The following DCN variants were observed in gnomAD, a reference collection of about 807,000 sequenced individuals.
DCN encodes bone proteoglycan II.
DCN carries 17 observed loss-of-function variants against 36.5 expected under a neutral mutation model. The ratio of observed to expected loss-of-function variants is 0.47; its 90% CI spans 0.32 to 0.70. The LOEUF (loss-of-function observed/expected upper bound fraction) is 0.70. Ranked by LOEUF, DCN falls within the 30% of genes least tolerant of loss-of-function variation. The pLI is 0.04. For missense variants in DCN, 389 were observed against 430.1 expected (o/e 0.90, Z 0.84); for synonymous variants, 163 against 161.4 (o/e 1.01, Z -0.07).
In DCN at chr12:91,178,445, T is replaced by A. The variant is rs1883431501; in HGVS notation, c.108A>T (p.Ile36=). 2.5e-6 allele frequency: 4 copies of A among 1,613,870 alleles called. No individual in the cohort carries two copies. Among genetic ancestry groups the A allele is most frequent in the African/African-American group, 1.3e-5 (1 of 74,972 alleles). ...CGCGGTCATCAGGAACTTCTGGGCC[T>A]ATCCCAGAAGCCTCATCTTCTAGCA... The part of the protein sequence containing the change: ...DFMLEDEASG[I]GPEVPDDRDF... The change falls in exon 2 of 8, where the codon ATA becomes ATT. Residue 36 remains isoleucine, a synonymous_variant. Coordinates refer to ENST00000052754, the MANE Select transcript of DCN (RefSeq NM_001920.5).
chr12:91,156,012 T>G (rs1222964830), intron 5 of DCN, among the ~76,000 whole-genome samples: 1 of 152,060 alleles, frequency 6.6e-6, no homozygotes. Context: ...GGCATCTAAG[T>G]TGAGAAAGGG....
intron 2 of DCN, among the ~76,000 whole-genome samples, chr12:91,165,669 T>A (rs371739706): frequency 2.3e-4 from 35 of 152,266 alleles, no homozygotes; most frequent in African/African-American, 8.4e-4. Context: ...AATTTGATAT[T>A]CTATTAACTC....
intron 5 of DCN, among the ~76,000 whole-genome samples, chr12:91,156,471 GAGAT>G (rs897110650): frequency 1.3e-5 from 2 of 152,114 alleles, no homozygotes; most frequent in African/African-American, 4.8e-5. Flanking sequence ...GACAGATAAA[GAGAT>G]AGAGGACAAA....
intron 1 of DCN, among the ~76,000 whole-genome samples, chr12:91,179,025 AT>A (rs1191275038): frequency 6.6e-6 from 1 of 152,110 alleles, no homozygotes; most frequent in Non-Finnish European, 1.5e-5. Context: ...TACCACAATT[AT>A]TTTGATCCAG....
At chr12:91,153,801 A>G (rs1348535486) in intron 5 of DCN, among the ~76,000 whole-genome samples, 4 of 152,072 alleles carry the variant, frequency 2.6e-5, no homozygotes, top group Non-Finnish European at 5.9e-5. Flanking sequence ...AGAGGTCTAT[A>G]ATCAAGTGAT....
In DCN at chr12:91,145,947, G is replaced by T; in HGVS notation, c.*111C>A. 3.1e-6 allele frequency: 3 copies of T among 952,538 alleles called. No homozygotes were observed. The highest frequency in any genetic ancestry group is 1.4e-5 in the South Asian group (1 of 72,984). 59.0% of individuals were successfully genotyped at this position (952,538 alleles called of 1,614,324 possible). On this transcript the variant is annotated 3_prime_UTR_variant, in exon 8 of 8. Transcript: ENST00000052754. ...GCTTTATGCATAATAAGTCATGTGG[G>T]TAAAACATCCACATTGCAGTTAGGT...
intron 2 of DCN, among the ~76,000 whole-genome samples, chr12:91,168,261 C>T (rs558537730): frequency 6.6e-6 from 1 of 152,132 alleles, no homozygotes; most frequent in African/African-American, 2.4e-5. Context: ...TTATGTAAAA[C>T]TCCACTTATT....
intron 5 of DCN, among the ~76,000 whole-genome samples, chr12:91,154,315 C>T (rs547880923): frequency 6.6e-6 from 1 of 152,226 alleles, no homozygotes; most frequent in African/African-American, 2.4e-5. Context: ...GAACATTGAC[C>T]TTGGCACTTT....
At chr12:91,165,947 A>G (rs1000691436) in intron 2 of DCN, among the ~76,000 whole-genome samples, 11 of 152,294 alleles carry the variant, frequency 7.2e-5, no homozygotes, top group African/African-American at 2.6e-4. Context: ...AAATAAAATT[A>G]CAACAGGGTA....
At chr12:91,148,168 G>T (rs1881155832) in intron 7 of DCN, among the ~76,000 whole-genome samples, 1 of 151,828 alleles carries the variant, frequency 6.6e-6, no homozygotes, top group Non-Finnish European at 1.5e-5. Flanking sequence ...CCGCCTCCCG[G>T]GTTCACGCCA....
chr12:91,156,043 G>C lies in DCN; in HGVS notation c.652+1032C>G, dbSNP rs543286370. Among the ~76,000 whole-genome samples, 8 of 152,304 alleles carry C rather than the reference G, an allele frequency of 5.3e-5. No individual in the cohort carries two copies. In the South Asian group the frequency reaches 6.2e-4, roughly 12 times the overall value. ...AAGGGACAGACTGAGGGGAAAACTA[G>C]ATAATATAGAGGGCTTCTGTGAGAC... is the stretch of plus-strand genomic sequence containing the variant. On this transcript the variant is annotated intron_variant, in intron 5 of 7. Transcript: ENST00000052754.
intron 2 of DCN, among the ~76,000 whole-genome samples, chr12:91,165,314 A>G (rs1343324978): frequency 6.6e-6 from 1 of 152,228 alleles, no homozygotes; most frequent in African/African-American, 2.4e-5. Flanking sequence ...TTGATATTTT[A>G]TGACCAATAG....
rs1262036719 is a variant in DCN at position 91,141,892 on chromosome 12, T to G, written c.*4166A>C. The G allele has an allele frequency of 6.6e-6, 1 of 152,146 alleles. No homozygotes were observed. Among genetic ancestry groups the G allele is most frequent in the Non-Finnish European group, 1.5e-5 (1 of 68,024 alleles). The allele number at this position is 152,146 out of a possible 1,614,324, so 9.4% of individuals were successfully genotyped here. Reference sequence around the variant, plus strand: ...CAGTCCTTTTCTGGTTATCTTATACTGGGGTAGGGTGTGCATATGCCCTTT... The same window carrying G: ...CAGTCCTTTTCTGGTTATCTTATACGGGGGTAGGGTGTGCATATGCCCTTT... On this transcript the variant is annotated 3_prime_UTR_variant, in exon 8 of 8. Coordinates refer to ENST00000052754, the MANE Select transcript of DCN (RefSeq NM_001920.5).
chr12:91,159,307 G>A (rs74432879), intron 3 of DCN, among the ~76,000 whole-genome samples: 309 of 152,158 alleles, frequency 2.0e-3, no homozygotes, highest in African/African-American at 7.1e-3. Flanking sequence ...AAATTTTCCC[G>A]TAGCCTTGCA....
chr12:91,179,515 T>C (rs1883485767), intron 1 of DCN: 1 of 152,214 alleles, frequency 6.6e-6, no homozygotes, highest in South Asian at 2.1e-4. Flanking sequence ...TATATTGCAA[T>C]TTGTTTTGCG....
At chr12:91,160,331 A>T (rs1882080245) in intron 3 of DCN, among the ~76,000 whole-genome samples, 1 of 152,004 alleles carries the variant, frequency 6.6e-6, no homozygotes. Flanking sequence ...TGAAAGTGTG[A>T]TATAATTAGA....
intron 7 of DCN, among the ~76,000 whole-genome samples, chr12:91,149,963 T>C (rs1881298296): frequency 2.0e-5 from 3 of 152,164 alleles, no homozygotes; most frequent in African/African-American, 7.2e-5. Flanking sequence ...AGGCTCAATA[T>C]TATTAAGATA....
chr12:91,153,367 T>C (rs1216049012), intron 5 of DCN, among the ~76,000 whole-genome samples, 178 bp from the exon 6 acceptor site: 1 of 152,072 alleles, frequency 6.6e-6, no homozygotes, highest in Non-Finnish European at 1.5e-5. Context: ...CTTTTGGAAG[T>C]AGTGGAAGCC....
intron 7 of DCN, among the ~76,000 whole-genome samples, chr12:91,149,901 A>C (rs1374140429): frequency 6.6e-6 from 1 of 152,194 alleles, no homozygotes; most frequent in Non-Finnish European, 1.5e-5. Context: ...AATGACAAAA[A>C]CTGTTGAGAA....
Sources: gnomAD v4.1 joint callset for allele counts (sites outside exome capture counted in the v4.1 genomes callset) on GRCh38, gnomAD v4.1.1 for gene constraint, MANE v1.5 for transcripts, NCBI Gene and HGNC (gene_info 2026-07-23, HGNC 2026-07-21) for gene names.